Variants in VPS13B observed in about 807,000 individuals in gnomAD.
VPS13B encodes the protein vacuolar protein sorting 13 homolog B, also known as intermembrane lipid transfer protein VPS13B.
A neutral mutation model predicts 426.4 loss-of-function variants in VPS13B; 285 were observed. That is an observed-to-expected ratio of 0.67 (90% CI 0.61 to 0.74). VPS13B has a LOEUF of 0.74. Among genes scored for constraint, VPS13B ranks in the 30% least tolerant of loss-of-function variants. VPS13B has a pLI of 0.00. For missense variants in VPS13B, 4,537 were observed against 4,782.6 expected (o/e 0.95, Z 1.51); for synonymous variants, 1,676 against 1,676.4 (o/e 1.00, Z 0.01).
At chr8:99,102,650 A>G (rs558051058) in intron 4 of VPS13B, among the ~76,000 whole-genome samples, 2 of 152,324 alleles carry the variant, frequency 1.3e-5, no homozygotes, top group Admixed American at 6.5e-5. Context: ...GTAGAATAGG[A>G]TAATCATTGT....
intron 21 of VPS13B, among the ~76,000 whole-genome samples, chr8:99,417,868 A>T (rs960691578): frequency 6.6e-6 from 1 of 151,804 alleles, no homozygotes; most frequent in Non-Finnish European, 1.5e-5. Flanking sequence ...GGTAGACTGT[A>T]TTGTTTATAT....
chr8:99,149,265 A>C (rs1810921080), intron 14 of VPS13B, among the ~76,000 whole-genome samples: 1 of 152,354 alleles, frequency 6.6e-6, no homozygotes, highest in South Asian at 2.1e-4. Flanking sequence ...TTTATGGTCC[A>C]TATACAATGT....
chr8:99,482,108 G>A (rs16897394), intron 25 of VPS13B, among the ~76,000 whole-genome samples: 3,061 of 152,062 alleles, frequency 0.02, 112 homozygotes, highest in African/African-American at 0.07. Context: ...GTGAAAAAGA[G>A]ACTCATGCTT....
chr8:99,337,393 T>C (rs573165470), intron 19 of VPS13B, among the ~76,000 whole-genome samples: 1 of 150,934 alleles, frequency 6.6e-6, no homozygotes, highest in East Asian at 2.0e-4. Context: ...TGGATAGCTT[T>C]AGGAGATATA....
Position 99,638,343 on chromosome 8 carries a change from C to T in VPS13B, c.5221-3468C>T, listed in dbSNP as rs1320782903. 3.3e-5 allele frequency among the ~76,000 whole-genome samples: 5 copies of T among 152,230 alleles called. No individual in the cohort carries two copies. The East Asian group carries it at 9.6e-4, about 29-fold the overall frequency. Reference sequence around the variant, plus strand: ...GTAAAATGGAGATAGTAGTACTCCTCCTCAAAGAATTATAATGTTAGCTTA... The same window carrying T: ...GTAAAATGGAGATAGTAGTACTCCTTCTCAAAGAATTATAATGTTAGCTTA... On this transcript the variant is annotated intron_variant, in intron 33 of 61. Transcript: ENST00000357162.
chr8:99,654,033 T>TGATTAC (rs1243194892), intron 34 of VPS13B, among the ~76,000 whole-genome samples: 3 of 146,362 alleles, frequency 2.0e-5, no homozygotes, highest in Admixed American at 2.0e-4. Flanking sequence ...ATGATGATGA[T>TGATTAC]TATTATTATT....
At chr8:99,847,814 G>A (rs1017568943) in intron 54 of VPS13B, among the ~76,000 whole-genome samples, 4 of 152,152 alleles carry the variant, frequency 2.6e-5, no homozygotes, top group South Asian at 4.1e-4. Context: ...GTACACTCTG[G>A]TGCTTCTTCA....
chr8:99,724,510 C>T (rs1045165688), intron 39 of VPS13B, among the ~76,000 whole-genome samples: 7 of 152,052 alleles, frequency 4.6e-5, no homozygotes, highest in Non-Finnish European at 7.4e-5. Context: ...CCCCACCCCC[C>T]GCCTTATTTT....
chr8:99,064,839 T>C (rs1034683492), intron 3 of VPS13B, among the ~76,000 whole-genome samples: 12 of 152,120 alleles, frequency 7.9e-5, no homozygotes, highest in African/African-American at 2.9e-4. Flanking sequence ...AAGGAAAAAA[T>C]GTTAAGGGCA....
intron 31 of VPS13B, among the ~76,000 whole-genome samples, chr8:99,558,840 T>C (rs1165761647): frequency 6.6e-6 from 1 of 152,200 alleles, no homozygotes; most frequent in African/African-American, 2.4e-5. Flanking sequence ...TCCAAGTCTT[T>C]GCTATTGTGA....
At chr8:99,627,829 CA>C (rs1248604355) in intron 33 of VPS13B, among the ~76,000 whole-genome samples, 2 of 152,198 alleles carry the variant, frequency 1.3e-5, no homozygotes, top group Non-Finnish European at 2.9e-5. Flanking sequence ...GTGTTGCCCT[CA>C]AATTACATGC....
At chr8:99,848,165 G>T (rs879360072) in intron 54 of VPS13B, among the ~76,000 whole-genome samples, 1 of 152,154 alleles carries the variant, frequency 6.6e-6, no homozygotes, top group Non-Finnish European at 1.5e-5. Context: ...GGATCCTGAG[G>T]TAGAGCTTTT....
chr8:99,423,911 G>C (rs1816527402), intron 21 of VPS13B, among the ~76,000 whole-genome samples: 6 of 152,148 alleles, frequency 3.9e-5, no homozygotes, highest in Admixed American at 3.9e-4. Flanking sequence ...GAGTTCCTTA[G>C]ATGTTTATTA....
chr8:99,396,325 T>A (rs1040583132), intron 21 of VPS13B, among the ~76,000 whole-genome samples: 8 of 151,620 alleles, frequency 5.3e-5, no homozygotes, highest in Admixed American at 1.3e-4. Context: ...CACAAAGAGG[T>A]CAAGCAACTT....
chr8:99,161,666 A>G (rs1361051861), intron 15 of VPS13B, among the ~76,000 whole-genome samples: 1 of 151,710 alleles, frequency 6.6e-6, no homozygotes, highest in Non-Finnish European at 1.5e-5. Context: ...GTAAGGTGTT[A>G]GGCAGAGTGG....
intron 21 of VPS13B, among the ~76,000 whole-genome samples, chr8:99,394,715 A>C (rs1588327281): frequency 6.6e-6 from 1 of 152,304 alleles, no homozygotes; most frequent in East Asian, 1.9e-4. Flanking sequence ...TAACAAGCAG[A>C]ATACTCCATA....
chr8:99,134,556 C>T (rs984607458), intron 8 of VPS13B, 76 bp from the exon 9 acceptor site: 8 of 1,223,490 alleles, frequency 6.5e-6, no homozygotes, highest in Non-Finnish European at 9.3e-6. Context: ...TTGTTTTAAT[C>T]AATTAATCAT....
At chr8:99,044,644 C>T (rs1363968730) in intron 3 of VPS13B, among the ~76,000 whole-genome samples, 1 of 151,956 alleles carries the variant, frequency 6.6e-6, no homozygotes, top group Non-Finnish European at 1.5e-5. Flanking sequence ...TATCCCTTAC[C>T]TCTTTCCCCC....
intron 25 of VPS13B, among the ~76,000 whole-genome samples, chr8:99,499,848 TG>T (rs1821132633): frequency 6.6e-6 from 1 of 152,216 alleles, no homozygotes; most frequent in Admixed American, 6.5e-5. Flanking sequence ...TTGCTATGCT[TG>T]GTGCCTAAGT....
Sources: allele counts gnomAD v4.1 joint callset (sites outside exome capture counted in the v4.1 genomes callset), GRCh38; gene constraint gnomAD v4.1.1; transcripts MANE v1.5; gene names NCBI Gene and HGNC (gene_info 2026-07-23, HGNC 2026-07-21).